The following IBTK variants were observed in gnomAD, a reference collection of about 807,000 sequenced individuals.
IBTK encodes the protein inhibitor of Bruton tyrosine kinase.
A neutral mutation model predicts 154.9 loss-of-function variants in IBTK; 83 were observed. The ratio of observed to expected loss-of-function variants is 0.54; its 90% CI spans 0.45 to 0.64. The LOEUF (loss-of-function observed/expected upper bound fraction) is 0.64. IBTK is among the 30% of genes least tolerant of loss of function. The pLI is 0.00. For synonymous variants in IBTK, 515 were observed against 536.1 expected, an observed-to-expected ratio of 0.96 and a Z score of 0.54; for missense variants, 1,332 against 1,584.6, an observed-to-expected ratio of 0.84 and a Z score of 2.71.
intron 10 of IBTK, among the ~76,000 whole-genome samples, chr6:82,216,978 G>A (rs527763441): frequency 6.6e-6 from 1 of 152,212 alleles, no homozygotes; most frequent in South Asian, 2.1e-4. Context: ...ATAAAAAGAG[G>A]CCATTTAAGG....
intron 22 of IBTK, among the ~76,000 whole-genome samples, chr6:82,194,924 T>C (rs571943709): frequency 1.3e-5 from 2 of 152,288 alleles, no homozygotes; most frequent in South Asian, 2.1e-4. Context: ...ACATGTAATA[T>C]ATAAAAGTTG....
At chr6:82,178,472 C>T (rs548462474) in intron 26 of IBTK, among the ~76,000 whole-genome samples, 1 of 152,092 alleles carries the variant, frequency 6.6e-6, no homozygotes, top group Non-Finnish European at 1.5e-5. Flanking sequence ...ATATAACTCA[C>T]TACATTAGAA....
intron 24 of IBTK, chr6:82,191,493 G>C: frequency 1.8e-6 from 1 of 557,958 alleles, no homozygotes; most frequent in Non-Finnish European, 3.2e-6. Context: ...AAAAGAACTT[G>C]CATCACAAGC....
intron 3 of IBTK, among the ~76,000 whole-genome samples, chr6:82,232,942 C>G (rs1770564093): frequency 6.6e-6 from 1 of 152,082 alleles, no homozygotes; most frequent in African/African-American, 2.4e-5. Context: ...CACCTGAGGT[C>G]AGGAGTTCGA....
At chr6:82,193,325 G>T (rs1768851840) in intron 23 of IBTK, among the ~76,000 whole-genome samples, 1 of 151,782 alleles carries the variant, frequency 6.6e-6, no homozygotes, top group Non-Finnish European at 1.5e-5. Flanking sequence ...TGTAGACCAG[G>T]GTATTTTTAA....
intron 4 of IBTK, among the ~76,000 whole-genome samples, chr6:82,230,882 T>C (rs941558352): frequency 2.0e-5 from 3 of 152,192 alleles, no homozygotes; most frequent in African/African-American, 4.8e-5. Context: ...ATCTTTACAA[T>C]TGTATCTATT....
intron 26 of IBTK, among the ~76,000 whole-genome samples, chr6:82,173,809 C>T (rs1416661610): frequency 6.6e-6 from 1 of 151,750 alleles, no homozygotes; most frequent in Non-Finnish European, 1.5e-5. Flanking sequence ...TGATCTTTAC[C>T]TTCTAAGAAT....
intron 16 of IBTK, among the ~76,000 whole-genome samples, chr6:82,206,203 C>A (rs754252215): frequency 1.6e-4 from 24 of 152,164 alleles, no homozygotes; most frequent in Non-Finnish European, 2.9e-4. Flanking sequence ...CTGAAACCAA[C>A]AGCTCCATAA....
At chr6:82,182,157 G>A (rs1768347146) in intron 25 of IBTK, 129 bp from the exon 26 acceptor site, 1 of 823,414 alleles carries the variant, frequency 1.2e-6, no homozygotes, top group African/African-American at 1.8e-5. Flanking sequence ...TCAATGTGAT[G>A]TTGGATTCTT....
chr6:82,200,563 A>G (rs879095351), intron 20 of IBTK, 24 bp downstream of exon 20: 1 of 1,421,402 alleles, frequency 7.0e-7, no homozygotes. Context: ...GAGGAAAAGA[A>G]AAAAAAAAAA....
intron 21 of IBTK, among the ~76,000 whole-genome samples, chr6:82,198,338 G>A (rs1473904065): frequency 6.6e-6 from 1 of 151,964 alleles, no homozygotes; most frequent in African/African-American, 2.4e-5. Context: ...ACAACACAGA[G>A]AACACAGAGT....
intron 23 of IBTK, among the ~76,000 whole-genome samples, chr6:82,192,707 A>T: frequency 6.6e-6 from 1 of 150,508 alleles, no homozygotes; most frequent in African/African-American, 2.4e-5. Context: ...AGATCATACC[A>T]CTGCACTACA....
chr6:82,228,115 T>TCA (rs1332616691), intron 4 of IBTK, among the ~76,000 whole-genome samples: 1 of 152,126 alleles, frequency 6.6e-6, no homozygotes, highest in Non-Finnish European at 1.5e-5. Context: ...TTCATTATAC[T>TCA]CACTTTACCT....
In IBTK at chr6:82,171,450, G is replaced by A; in HGVS notation, c.4037C>T (p.Pro1346Leu). The change falls in exon 29 of 29, where the codon CCT becomes CTT. Residue 1346 changes from proline (P) to leucine (L), a missense_variant. By Grantham distance (98) the Pro-to-Leu change is moderately conservative (BLOSUM62 -3). Around this residue, in one of 3 missense-constraint regions of IBTK, gnomAD observed 1,134 missense variants for 1,274.7 expected, o/e 0.89. Coordinates refer to ENST00000306270, the MANE Select transcript of IBTK (RefSeq NM_015525.4). ...CTAGCATCCATGCTTATTCCACATAGGTACTGCCAGTGGTCCCTGCGGTGT... is the reference window on the plus strand; with the variant it reads ...CTAGCATCCATGCTTATTCCACATAAGTACTGCCAGTGGTCCCTGCGGTGT... ...ERTPQGPLAV[P>L]MWNKHGC is the part of the protein sequence containing the mutation. 1 of 1,613,018 alleles carries A rather than the reference G, an allele frequency of 6.2e-7. No individual in the cohort carries two copies. The highest frequency in any genetic ancestry group is 1.1e-5 in the South Asian group (1 of 91,012).
intron 1 of IBTK, among the ~76,000 whole-genome samples, chr6:82,242,141 G>A (rs1362372792): frequency 6.6e-5 from 10 of 152,034 alleles, no homozygotes; most frequent in Non-Finnish European, 1.2e-4. Flanking sequence ...AGGCCGAGGC[G>A]GGCAGATCAC....
intron 7 of IBTK, among the ~76,000 whole-genome samples, chr6:82,223,853 G>A (rs1248823802): frequency 6.6e-6 from 1 of 152,166 alleles, no homozygotes; most frequent in African/African-American, 2.4e-5. Flanking sequence ...GGGGGGCTGA[G>A]ATGGGAGGAT....
intron 25 of IBTK, among the ~76,000 whole-genome samples, chr6:82,188,373 T>A (rs1308914527): frequency 1.3e-5 from 2 of 152,240 alleles, no homozygotes; most frequent in African/African-American, 4.8e-5. Context: ...CACACTGTTG[T>A]ATTTAGTCAT....
At chr6:82,186,170 A>G (rs921549902) in intron 25 of IBTK, among the ~76,000 whole-genome samples, 5 of 152,126 alleles carry the variant, frequency 3.3e-5, no homozygotes, top group African/African-American at 4.8e-5. Context: ...CAGTTCTCCC[A>G]TCTCTCTCCC....
At position 82,240,281 on chromosome 6, in the gene IBTK, T is replaced by TC; in HGVS notation, c.205dup (p.Asp69GlyfsTer32). The TC allele has an allele frequency of 6.2e-7, 1 of 1,614,218 alleles. No homozygotes were observed. Among genetic ancestry groups the TC allele is most frequent in the Non-Finnish European group, 8.5e-7 (1 of 1,180,030 alleles). On this transcript the variant is annotated frameshift_variant, in exon 2 of 29. Transcript: ENST00000306270. LOFTEE classifies it high-confidence loss of function. ...ATCCACTCCTTTCTGAATAAGCCAA[T>TC]CTAACACTCCTTTCTTTCCACAGGA...
Sources: gnomAD v4.1 joint callset for allele counts (sites outside exome capture counted in the v4.1 genomes callset) on GRCh38, gnomAD v4.1.1 for gene constraint, gnomAD v4.1.1 regional missense constraint, MANE v1.5 for transcripts, NCBI Gene and HGNC (gene_info 2026-07-23, HGNC 2026-07-21) for gene names.